Variants in ANKS1B observed in about 807,000 individuals in gnomAD.
ANKS1B encodes the protein ankyrin repeat and sterile alpha motif domain containing 1B.
Under a neutral mutation model 148.3 loss-of-function variants are expected in ANKS1B, and 36 were observed. The observed-to-expected ratio is 0.24, with a 90% confidence interval of 0.19 to 0.32. The LOEUF is 0.32. ANKS1B is among the 10% of genes least tolerant of loss of function. The probability of loss-of-function intolerance (pLI) is 1.00; values close to 1 mark genes in which losing one functional copy is unlikely to be tolerated. For synonymous variants in ANKS1B, 542 were observed against 560.8 expected, an observed-to-expected ratio of 0.97 and a Z score of 0.47; for missense variants, 1,157 against 1,542.6, an observed-to-expected ratio of 0.75 and a Z score of 4.19.
At chr12:99,435,951 T>C (rs768984267) in intron 11 of ANKS1B, among the ~76,000 whole-genome samples, 5 of 152,044 alleles carry the variant, frequency 3.3e-5, no homozygotes, top group Non-Finnish European at 5.9e-5. Flanking sequence ...GACTGTTGGG[T>C]CCTGTTGCCT....
chr12:99,784,123 C>T (rs1234599954), intron 4 of ANKS1B, among the ~76,000 whole-genome samples: 1 of 151,868 alleles, frequency 6.6e-6, no homozygotes, highest in Non-Finnish European at 1.5e-5. Flanking sequence ...CCATCACAAC[C>T]CTCTTCCAAA....
At chr12:99,967,026 C>T (rs541682189) in intron 1 of ANKS1B, among the ~76,000 whole-genome samples, 2 of 152,238 alleles carry the variant, frequency 1.3e-5, no homozygotes, top group Non-Finnish European at 2.9e-5. Context: ...CCTACAGTTA[C>T]ACCATTAAAG....
chr12:99,692,001 A>G (rs1599798006), intron 8 of ANKS1B, among the ~76,000 whole-genome samples: 2 of 152,206 alleles, frequency 1.3e-5, no homozygotes, highest in Non-Finnish European at 2.9e-5. Flanking sequence ...TAAGATAAAA[A>G]ATGGGATAAA....
At chr12:99,750,226 T>G (rs1017656583) in intron 8 of ANKS1B, among the ~76,000 whole-genome samples, 1 of 152,016 alleles carries the variant, frequency 6.6e-6, no homozygotes, top group Non-Finnish European at 1.5e-5. Flanking sequence ...GTGTTCAAGA[T>G]AACCACTCTA....
chr12:99,091,708 G>T (rs1047909409), intron 15 of ANKS1B, among the ~76,000 whole-genome samples: 1 of 152,148 alleles, frequency 6.6e-6, no homozygotes, highest in African/African-American at 2.4e-5. Flanking sequence ...ATAGCAGTTG[G>T]TGTTCATTAG....
At chr12:99,446,160 G>C (rs1195252174) in intron 10 of ANKS1B, among the ~76,000 whole-genome samples, 1 of 151,752 alleles carries the variant, frequency 6.6e-6, no homozygotes, top group Non-Finnish European at 1.5e-5. Context: ...ACTATGGCTT[G>C]GACAGAAGAT....
At chr12:98,961,649 G>C (rs188654587) in intron 17 of ANKS1B, among the ~76,000 whole-genome samples, 1 of 151,968 alleles carries the variant, frequency 6.6e-6, no homozygotes, top group African/African-American at 2.4e-5. Flanking sequence ...AAGACTAAAA[G>C]ATCAACCAAT....
chr12:99,601,454 A>G (rs2097799569), intron 9 of ANKS1B, among the ~76,000 whole-genome samples: 1 of 152,124 alleles, frequency 6.6e-6, no homozygotes, highest in South Asian at 2.1e-4. Flanking sequence ...GTATCTGATT[A>G]TTTTAATGTA....
At chr12:99,735,118 T>C (rs1191145806) in intron 8 of ANKS1B, among the ~76,000 whole-genome samples, 1 of 152,146 alleles carries the variant, frequency 6.6e-6, no homozygotes, top group Non-Finnish European at 1.5e-5. Context: ...ATTCAAAAAG[T>C]CTTCTAAGAT....
At chr12:99,667,352 AAAAAAGAAAAG>A (rs1385152440) in intron 8 of ANKS1B, among the ~76,000 whole-genome samples, 1 of 150,532 alleles carries the variant, frequency 6.6e-6, no homozygotes, top group Non-Finnish European at 1.5e-5. Context: ...CTGTCTCAAA[AAAAAAGAAAAG>A]AAAAGAAAAG....
chr12:99,524,369 T>A (rs975523748), intron 9 of ANKS1B, among the ~76,000 whole-genome samples: 3 of 152,128 alleles, frequency 2.0e-5, no homozygotes, highest in Non-Finnish European at 1.5e-5. Flanking sequence ...CCCTGGAAAC[T>A]AGGAATACAT....
intron 9 of ANKS1B, among the ~76,000 whole-genome samples, chr12:99,602,452 T>G (rs1471292953): frequency 1.3e-5 from 2 of 152,096 alleles, no homozygotes; most frequent in Non-Finnish European, 2.9e-5. Context: ...AAGGTAATGT[T>G]TGAAGTAATC....
intron 22 of ANKS1B, among the ~76,000 whole-genome samples, chr12:98,784,127 A>G (rs2098765354): frequency 6.6e-6 from 1 of 152,238 alleles, no homozygotes; most frequent in African/African-American, 2.4e-5. Context: ...GCGTAAGCAT[A>G]ATGGAAATGC....
chr12:99,760,581 C>T (rs1294657274), intron 8 of ANKS1B, among the ~76,000 whole-genome samples: 2 of 151,490 alleles, frequency 1.3e-5, no homozygotes, highest in Non-Finnish European at 3.0e-5. Context: ...GTGCTAAATG[C>T]CTACCTCAAA....
In ANKS1B at chr12:99,752,428, GT is replaced by G. The variant is rs957643006; in HGVS notation, c.1128+20493del. On this transcript the variant is annotated intron_variant, in intron 8 of 26. Transcript: ENST00000683438. ...CATAAAACATGGAAATGCCTCAGTC[GT>G]TTTTTTTGTCTGCCATAAAACAGTA... 1.6e-4 allele frequency among the ~76,000 whole-genome samples: 24 copies of G among 151,290 alleles called. 1 individual carries two copies. Among genetic ancestry groups the G allele is most frequent in the African/African-American group, 5.1e-4 (21 of 41,290 alleles).
At chr12:99,960,164 A>C (rs893778503) in intron 1 of ANKS1B, among the ~76,000 whole-genome samples, 6 of 152,232 alleles carry the variant, frequency 3.9e-5, no homozygotes, top group African/African-American at 1.4e-4. Flanking sequence ...TTTAGAAATA[A>C]TGTTTCAAAG....
intron 4 of ANKS1B, among the ~76,000 whole-genome samples, chr12:99,793,550 G>A (rs775463821): frequency 6.6e-6 from 1 of 151,964 alleles, no homozygotes; most frequent in Non-Finnish European, 1.5e-5. Context: ...TTCGACAAAA[G>A]AGCCAAGAAC....
At chr12:99,766,775 T>C (rs1237560053) in intron 8 of ANKS1B, among the ~76,000 whole-genome samples, 1 of 152,184 alleles carries the variant, frequency 6.6e-6, no homozygotes, top group Non-Finnish European at 1.5e-5. Context: ...AAGAATCAGT[T>C]ATGTTCCTAT....
intron 8 of ANKS1B, among the ~76,000 whole-genome samples, chr12:99,673,027 C>T (rs1426523536): frequency 1.3e-5 from 2 of 152,066 alleles, no homozygotes; most frequent in Non-Finnish European, 2.9e-5. Context: ...TGGAGACATT[C>T]ACCAAAATCC....
Sources: gnomAD v4.1 joint callset for allele counts (sites outside exome capture counted in the v4.1 genomes callset) on GRCh38, gnomAD v4.1.1 for gene constraint, MANE v1.5 for transcripts, NCBI Gene and HGNC (gene_info 2026-07-23, HGNC 2026-07-21) for gene names.